The following PTPRK variants were observed in gnomAD, a reference collection of about 807,000 sequenced individuals.
The protein encoded by PTPRK is receptor-type tyrosine-protein phosphatase kappa.
A neutral mutation model predicts 178.0 loss-of-function variants in PTPRK; 75 were observed. The observed-to-expected ratio is 0.42, with a 90% CI of 0.35 to 0.51. The LOEUF (loss-of-function observed/expected upper bound fraction) is 0.51, where lower values mean the gene tolerates loss of function less well. Ranked by LOEUF, PTPRK falls within the 20% of genes least tolerant of loss-of-function variation. The pLI is 0.02. For missense variants in PTPRK, 1,441 were observed against 1,797.8 expected (o/e 0.80, Z 3.59); for synonymous variants, 637 against 620.6 (o/e 1.03, Z -0.39).
intron 1 of PTPRK, among the ~76,000 whole-genome samples, chr6:128,450,047 G>A (rs1419630272): frequency 2.0e-5 from 3 of 151,866 alleles, no homozygotes; most frequent in Non-Finnish European, 4.4e-5. Flanking sequence ...TGGGGGCGGG[G>A]GCGGAGGTTG....
At chr6:127,977,832 TAAAAACAATATTTATCTGGACTGGAC>T (rs1208117077) in intron 25 of PTPRK, among the ~76,000 whole-genome samples, 1 of 152,206 alleles carries the variant, frequency 6.6e-6, no homozygotes, top group African/African-American at 2.4e-5. Flanking sequence ...GGAGAAGTAG[TAAAAACAATATTTATCTGGACTGGAC>T]AATTGCCATT....
chr6:128,265,150 G>A (rs1477129327), intron 3 of PTPRK, among the ~76,000 whole-genome samples: 2 of 152,004 alleles, frequency 1.3e-5, no homozygotes. Context: ...GAAACGAAGT[G>A]ACAAGCTCAC....
chr6:128,302,001 T>C (rs1825690156), intron 3 of PTPRK, among the ~76,000 whole-genome samples: 3 of 152,166 alleles, frequency 2.0e-5, no homozygotes, highest in Non-Finnish European at 2.9e-5. Flanking sequence ...ATAATACAGA[T>C]AACTTTATCT....
chr6:128,328,903 A>G (rs1829912446), intron 2 of PTPRK, among the ~76,000 whole-genome samples: 1 of 152,202 alleles, frequency 6.6e-6, no homozygotes, highest in African/African-American at 2.4e-5. Flanking sequence ...CTGTCTCAAT[A>G]GAAGGCAATT....
intron 7 of PTPRK, among the ~76,000 whole-genome samples, chr6:128,130,179 A>G (rs1006302353): frequency 2.6e-4 from 40 of 152,260 alleles, no homozygotes; most frequent in African/African-American, 9.4e-4. Context: ...AATTTGTTCT[A>G]ATTATTCTGG....
chr6:127,988,699 C>T (rs1047338726), intron 21 of PTPRK, among the ~76,000 whole-genome samples: 3 of 151,932 alleles, frequency 2.0e-5, no homozygotes, highest in Admixed American at 1.3e-4. Flanking sequence ...ATGGCTATGT[C>T]CCTCTGTGTT....
intron 12 of PTPRK, among the ~76,000 whole-genome samples, chr6:128,066,113 C>G (rs1582820980): frequency 1.3e-5 from 2 of 152,302 alleles, no homozygotes; most frequent in East Asian, 3.9e-4. Context: ...TGGAACCTCT[C>G]TAAAGATCAA....
intron 13 of PTPRK, among the ~76,000 whole-genome samples, chr6:128,050,647 G>C (rs192952981): frequency 2.3e-3 from 355 of 152,150 alleles, no homozygotes; most frequent in Admixed American, 3.5e-3. Flanking sequence ...CTCTTTATGT[G>C]CTGGCTGCCA....
chr6:128,159,024 A>T (rs556074214), intron 7 of PTPRK, among the ~76,000 whole-genome samples: 4 of 152,004 alleles, frequency 2.6e-5, no homozygotes, highest in Admixed American at 2.6e-4. Flanking sequence ...TTAATTGACT[A>T]TATTGAAATT....
chr6:128,383,607 T>G (rs533696705), intron 2 of PTPRK, among the ~76,000 whole-genome samples: 2 of 152,192 alleles, frequency 1.3e-5, no homozygotes, highest in South Asian at 4.1e-4. Context: ...CAGAAGAAAG[T>G]TGAGAAAATC....
chr6:128,001,350 G>A lies in PTPRK; in HGVS notation c.2495-2446C>T, dbSNP rs1777805820. ...GAAACTGCATTATAAATACAAAAAT[G>A]ATTGGATGCAAAACTCTAAAGACCA... On this transcript the variant is annotated intron_variant, in intron 15 of 29. Transcript: ENST00000368226. 3 of 507,550 alleles carry A rather than the reference G, an allele frequency of 5.9e-6. No homozygotes were observed. In the South Asian group the frequency reaches 1.5e-4, roughly 25 times the overall value. 31.4% of individuals were successfully genotyped at this position (507,550 alleles called of 1,614,324 possible).
intron 2 of PTPRK, among the ~76,000 whole-genome samples, chr6:128,369,469 T>C (rs1835971346): frequency 6.6e-6 from 1 of 152,136 alleles, no homozygotes; most frequent in African/African-American, 2.4e-5. Context: ...GTTAGGCTTC[T>C]ACCTGGTAAA....
intron 1 of PTPRK, among the ~76,000 whole-genome samples, chr6:128,503,737 A>G (rs979469189): frequency 6.6e-6 from 1 of 152,064 alleles, no homozygotes; most frequent in Non-Finnish European, 1.5e-5. Flanking sequence ...GCAGTGCCCA[A>G]TCACCACTCA....
At chr6:128,491,307 G>A (rs897188725) in intron 1 of PTPRK, among the ~76,000 whole-genome samples, 5 of 152,322 alleles carry the variant, frequency 3.3e-5, no homozygotes, top group South Asian at 4.1e-4. Context: ...GATAAATGGA[G>A]GACACATCTT....
intron 13 of PTPRK, among the ~76,000 whole-genome samples, chr6:128,040,631 G>A (rs1397602945): frequency 2.6e-5 from 4 of 152,012 alleles, no homozygotes; most frequent in Admixed American, 2.6e-4. Context: ...CATTGTTAAC[G>A]AAAAGATAAT....
chr6:128,228,590 G>A (rs546957715), intron 5 of PTPRK, among the ~76,000 whole-genome samples: 3 of 151,044 alleles, frequency 2.0e-5, no homozygotes, highest in East Asian at 3.9e-4. Flanking sequence ...AACCCGGGAG[G>A]CGGAGCTTGC....
In PTPRK at chr6:128,251,595, C is replaced by G. The variant is rs148299017; in HGVS notation, c.496-8993G>C. Among the ~76,000 whole-genome samples the G allele has an allele frequency of 1.9e-3, 282 of 152,286 alleles. 2 individuals are homozygous for G. The highest frequency in any genetic ancestry group is 6.1e-3 in the African/African-American group (252 of 41,564). On this transcript the variant is annotated intron_variant, in intron 3 of 29. Coordinates refer to ENST00000368226, the MANE Select transcript of PTPRK (RefSeq NM_002844.4). ...CAACATTCTCTTACCTGAATACACA[C>G]AGGCCTTTTGCATAGTTACAGCATC...
At chr6:128,505,104 C>CTTTT (rs1491132852) in intron 1 of PTPRK, among the ~76,000 whole-genome samples, 1 of 142,832 alleles carries the variant, frequency 7.0e-6, no homozygotes. Flanking sequence ...AAGAAATTTA[C>CTTTT]TTGTTTTTTT....
chr6:128,450,791 A>T (rs1182580144), intron 1 of PTPRK, among the ~76,000 whole-genome samples: 1 of 152,194 alleles, frequency 6.6e-6, no homozygotes, highest in Non-Finnish European at 1.5e-5. Flanking sequence ...TAAAATCACA[A>T]TCGTTATGTC....
Sources: allele counts gnomAD v4.1 joint callset (sites outside exome capture counted in the v4.1 genomes callset), GRCh38; gene constraint gnomAD v4.1.1; transcripts MANE v1.5; gene names NCBI Gene and HGNC (gene_info 2026-07-23, HGNC 2026-07-21).